The following MAP4K3 variants were observed in gnomAD, a reference collection of about 807,000 sequenced individuals.
The protein encoded by MAP4K3 is MAPK/ERK kinase kinase kinase 3.
MAP4K3 carries 94 observed loss-of-function variants against 143.5 expected under a neutral mutation model. The ratio of observed to expected loss-of-function variants is 0.65; its 90% confidence interval spans 0.55 to 0.78. The LOEUF (loss-of-function observed/expected upper bound fraction) is 0.78. Ranked by LOEUF, MAP4K3 falls within the 30% of genes least tolerant of loss-of-function variation. MAP4K3 has a pLI of 0.00. For missense variants in MAP4K3, 1,077 were observed against 1,068.1 expected (o/e 1.01, Z -0.12); for synonymous variants, 416 against 347.2 (o/e 1.20, Z -2.20).
At chr2:39,407,862 C>T (rs992602367) in intron 1 of MAP4K3, among the ~76,000 whole-genome samples, 6 of 152,122 alleles carry the variant, frequency 3.9e-5, no homozygotes, top group Non-Finnish European at 7.3e-5. Flanking sequence ...AGGTGTAGGC[C>T]ACTGTGTCTA....
At chr2:39,266,858 GAA>G (rs1680786627) in intron 27 of MAP4K3, among the ~76,000 whole-genome samples, 2 of 151,258 alleles carry the variant, frequency 1.3e-5, no homozygotes, top group African/African-American at 4.9e-5. Context: ...GCAGAATGGT[GAA>G]TGGTACGTAA....
chr2:39,367,549 AAAAAG>A (rs1391483877), intron 2 of MAP4K3, among the ~76,000 whole-genome samples: 1 of 152,048 alleles, frequency 6.6e-6, no homozygotes, highest in African/African-American at 2.4e-5. Context: ...AAAAAAACAA[AAAAAG>A]AAAAGGAAAA....
chr2:39,427,093 T>C (rs1665112187), intron 1 of MAP4K3, among the ~76,000 whole-genome samples: 1 of 152,004 alleles, frequency 6.6e-6, no homozygotes, highest in Non-Finnish European at 1.5e-5. Flanking sequence ...AAAGTAAGAT[T>C]AGCTAAAAGC....
chr2:39,422,892 A>C (rs953133927), intron 1 of MAP4K3, among the ~76,000 whole-genome samples: 4 of 152,122 alleles, frequency 2.6e-5, no homozygotes, highest in African/African-American at 7.2e-5. Context: ...ATACAACACC[A>C]AAGGCATGAC....
At chr2:39,331,508 C>T (rs1031912899) in intron 8 of MAP4K3, among the ~76,000 whole-genome samples, 2 of 152,024 alleles carry the variant, frequency 1.3e-5, no homozygotes, top group African/African-American at 4.8e-5. Context: ...GCAACCAAGA[C>T]ATGCCAAAAA....
intron 1 of MAP4K3, 30 bp downstream of exon 1, chr2:39,436,862 G>T: frequency 6.4e-7 from 1 of 1,569,478 alleles, no homozygotes; most frequent in African/African-American, 1.4e-5. Context: ...GGATCCCACG[G>T]CCTCGGCGGC....
At chr2:39,253,969 C>A (rs1680248956) in intron 32 of MAP4K3, among the ~76,000 whole-genome samples, 1 of 152,004 alleles carries the variant, frequency 6.6e-6, no homozygotes, top group Non-Finnish European at 1.5e-5. Flanking sequence ...GTAAAGGGGG[C>A]AAAGAATTAT....
chr2:39,343,106 A>G lies in MAP4K3; in HGVS notation c.310+282T>C, dbSNP rs374645051. Among the ~76,000 whole-genome samples the G allele has an allele frequency of 6.2e-4, 94 of 152,332 alleles. 3 individuals carry two copies. The South Asian group carries it at 0.019, about 31-fold the overall frequency. ...TTTACCAGCTTAGCATTAGCCAGCA[A>G]AGCCCTTGAATTTTTACAAGTCTGA... On this transcript the variant is annotated intron_variant, in intron 4 of 33. Transcript: ENST00000263881.
At chr2:39,431,736 T>G (rs938774652) in intron 1 of MAP4K3, among the ~76,000 whole-genome samples, 1 of 152,208 alleles carries the variant, frequency 6.6e-6, no homozygotes, top group African/African-American at 2.4e-5. Flanking sequence ...TAATAAATAC[T>G]TCTAGACACT....
In MAP4K3 at chr2:39,336,505, T is replaced by C. The variant is rs529299837; in HGVS notation, c.414+415A>G. 3.0e-3 allele frequency among the ~76,000 whole-genome samples: 338 copies of C among 112,900 alleles called. 8 individuals are homozygous for C. In the South Asian group the frequency reaches 0.04, roughly 13 times the overall value. The allele number at this position is 112,900 out of a possible 152,430, so 74.1% of individuals were successfully genotyped here. On this transcript the variant is annotated intron_variant, in intron 6 of 33. Transcript: ENST00000263881. Reference sequence around the variant, plus strand: ...AAAAAAAAAAAAAAAAAAAAAAGACTATGAGAAAGTGTCAAAGGTCAATTT... The same window carrying C: ...AAAAAAAAAAAAAAAAAAAAAAGACCATGAGAAAGTGTCAAAGGTCAATTT...
chr2:39,369,205 G>GTTTTTTTTTGTTGTT (rs68013609), intron 2 of MAP4K3, among the ~76,000 whole-genome samples: 3 of 125,380 alleles, frequency 2.4e-5, no homozygotes, highest in Non-Finnish European at 4.8e-5. Flanking sequence ...TTTTTTTTTT[G>GTTTTTTTTTGTTGTT]TTTTTTTTGA....
chr2:39,267,114 C>A, intron 27 of MAP4K3, 75 bp downstream of exon 27: 1 of 1,369,654 alleles, frequency 7.3e-7, no homozygotes, highest in Non-Finnish European at 1.0e-6. Flanking sequence ...GCAGAATGCC[C>A]TGGGGTAGTA....
chr2:39,349,140 G>T (rs1665379064), intron 3 of MAP4K3, among the ~76,000 whole-genome samples: 1 of 152,054 alleles, frequency 6.6e-6, no homozygotes, highest in African/African-American at 2.4e-5. Context: ...CCAAAGCAAT[G>T]GCTATTCCAC....
intron 2 of MAP4K3, among the ~76,000 whole-genome samples, chr2:39,359,818 G>A (rs1665715887): frequency 1.3e-5 from 2 of 152,336 alleles, no homozygotes; most frequent in South Asian, 4.1e-4. Flanking sequence ...GCCACGGCTG[G>A]AGCGGCTAGG....
At chr2:39,350,533 G>A (rs1665424116) in intron 3 of MAP4K3, among the ~76,000 whole-genome samples, 1 of 152,146 alleles carries the variant, frequency 6.6e-6, no homozygotes, top group Non-Finnish European at 1.5e-5. Flanking sequence ...CATATTCTAA[G>A]TATTCAAAAA....
chr2:39,396,977 A>G (rs910513664), intron 1 of MAP4K3, among the ~76,000 whole-genome samples: 1 of 152,218 alleles, frequency 6.6e-6, no homozygotes, highest in Non-Finnish European at 1.5e-5. Context: ...ACTGACTATT[A>G]CTGGACTTAG....
intron 12 of MAP4K3, among the ~76,000 whole-genome samples, chr2:39,320,006 T>A (rs72925257): frequency 6.6e-6 from 1 of 152,076 alleles, no homozygotes; most frequent in African/African-American, 2.4e-5. Context: ...TTCTGGCATC[T>A]TCCTATTGGC....
intron 5 of MAP4K3, 86 bp downstream of exon 5, chr2:39,337,440 T>C (rs1371973721): frequency 1.1e-6 from 1 of 914,340 alleles, no homozygotes; most frequent in Non-Finnish European, 1.7e-6. Flanking sequence ...AAATATTTAG[T>C]TCTTACTTTG....
Position 39,413,578 on chromosome 2 carries a change from T to C in MAP4K3, c.96+23314A>G, listed in dbSNP as rs573878790. 3.3e-4 allele frequency among the ~76,000 whole-genome samples: 50 copies of C among 152,182 alleles called. No individual in the cohort carries two copies. In the South Asian group the frequency reaches 0.01, roughly 32 times the overall value. On this transcript the variant is annotated intron_variant, in intron 1 of 33. Transcript: ENST00000263881. ...ACTGCAATTAACTGTGAGAATCCATTGACTGTACATGCAAAGTAAAAAGGT... is the reference window on the plus strand; with the variant it reads ...ACTGCAATTAACTGTGAGAATCCATCGACTGTACATGCAAAGTAAAAAGGT...
Sources: gnomAD v4.1 joint callset for allele counts (sites outside exome capture counted in the v4.1 genomes callset) on GRCh38, gnomAD v4.1.1 for gene constraint, MANE v1.5 for transcripts, NCBI Gene and HGNC (gene_info 2026-07-23, HGNC 2026-07-21) for gene names.